The following FBXL4 variants were observed in gnomAD, a reference collection of about 807,000 sequenced individuals.
FBXL4 encodes F-box/LRR-repeat protein 4.
A neutral mutation model predicts 58.9 loss-of-function variants in FBXL4; 40 were observed. The observed-to-expected ratio is 0.68, with a 90% CI of 0.53 to 0.88. The LOEUF is 0.88. Among genes scored for constraint, FBXL4 ranks in the 40% least tolerant of loss-of-function variants. The pLI is 0.00. For synonymous variants in FBXL4, 263 were observed against 265.5 expected (o/e 0.99, Z 0.09); for missense variants, 676 against 734.4 (o/e 0.92, Z 0.92).
intron 5 of FBXL4, among the ~76,000 whole-genome samples, chr6:98,911,131 C>A (rs1371799459): frequency 6.6e-6 from 1 of 152,174 alleles, no homozygotes; most frequent in Non-Finnish European, 1.5e-5. Context: ...GGGGGAGGGG[C>A]GCCTGCCATT....
intron 1 of FBXL4, among the ~76,000 whole-genome samples, chr6:98,935,874 A>G (rs2128410481): frequency 6.6e-6 from 1 of 152,262 alleles, no homozygotes; most frequent in South Asian, 2.1e-4. Flanking sequence ...GCAGATATGC[A>G]ATGATATTTA....
At chr6:98,927,116 A>G in intron 3 of FBXL4, 56 bp from the exon 4 acceptor site, 1 of 872,802 alleles carries the variant, frequency 1.1e-6, no homozygotes, top group Non-Finnish European at 1.8e-6. Flanking sequence ...AGAAAAATGC[A>G]TGGATAAGGT....
chr6:98,905,725 T>C, intron 5 of FBXL4, 55 bp from the exon 6 acceptor site: 2 of 1,554,828 alleles, frequency 1.3e-6, no homozygotes, highest in Non-Finnish European at 1.8e-6. Context: ...TATCATTCTA[T>C]GAAACATATA....
rs148621221 is a variant in FBXL4, at chr6:98,917,496, T to C, written c.736A>G (p.Ile246Val). ...LKTSLIDMNDIEDDAYAEKDG... is the reference protein window; with the variant it reads ...LKTSLIDMNDVEDDAYAEKDG... ...TTTTCTGCATAGGCATCATCTTCTA[T>C]ATCATTCATGTCAATAAGTGAAGTC... is the stretch of plus-strand genomic sequence containing the variant. The change falls in exon 5 of 10, where the codon ATA (isoleucine) becomes GTA (valine). Residue 246 changes from isoleucine (I) to valine (V), a missense_variant. Physicochemically the swap from Ile to Val is conservative, Grantham distance 29. Coordinates refer to ENST00000369244, the MANE Select transcript of FBXL4 (RefSeq NM_001278716.2). The C allele has an allele frequency of 8.7e-6, 14 of 1,613,964 alleles. No individual in the cohort carries two copies. The highest frequency in any genetic ancestry group is 1.3e-5 in the African/African-American group (1 of 74,932).
intron 7 of FBXL4, among the ~76,000 whole-genome samples, chr6:98,885,995 T>C: frequency 6.6e-6 from 1 of 152,100 alleles, no homozygotes; most frequent in Non-Finnish European, 1.5e-5. Context: ...GAAGGGGAAC[T>C]GTAGCAACAT....
chr6:98,895,423 C>A (rs1053657486), intron 7 of FBXL4, among the ~76,000 whole-genome samples: 1 of 152,080 alleles, frequency 6.6e-6, no homozygotes, highest in African/African-American at 2.4e-5. Flanking sequence ...TGTTGTATCT[C>A]CTTACCAACT....
At chr6:98,918,945 T>C (rs1246708336) in intron 4 of FBXL4, among the ~76,000 whole-genome samples, 2 of 152,096 alleles carry the variant, frequency 1.3e-5, no homozygotes, top group Non-Finnish European at 2.9e-5. Flanking sequence ...TCATTAATCA[T>C]ATGAGATTTT....
intron 2 of FBXL4, among the ~76,000 whole-genome samples, chr6:98,928,706 A>G (rs13198405): frequency 0.049 from 7,527 of 152,286 alleles, 255 homozygotes; most frequent in Middle Eastern, 0.12. Flanking sequence ...TATTTGCACT[A>G]AATGTCCCTT....
In FBXL4 at chr6:98,872,511, A is replaced by C. The variant is rs1001457386; in HGVS notation, c.*1767T>G. 3 of 152,202 alleles carry C rather than the reference A, an allele frequency of 2.0e-5. No individual in the cohort carries two copies. The highest frequency in any genetic ancestry group is 7.2e-5 in the African/African-American group (3 of 41,442). 9.4% of individuals were successfully genotyped at this position (152,202 alleles called of 1,614,324 possible). A position where few individuals can be genotyped will look rare whatever the true frequency, so the allele number is the denominator to read the frequency against. On this transcript the variant is annotated 3_prime_UTR_variant, in exon 10 of 10. Coordinates refer to ENST00000369244, the MANE Select transcript of FBXL4 (RefSeq NM_001278716.2). ...ACTTTGATCCTCCCTGTAAATATTT[A>C]ATTCTTTTCATTAGTAAACCCGTAT...
At chr6:98,944,425 C>T (rs186700282) in intron 1 of FBXL4, among the ~76,000 whole-genome samples, 65 of 152,194 alleles carry the variant, frequency 4.3e-4, no homozygotes, top group Non-Finnish European at 6.6e-4. Flanking sequence ...CAAGTAAAAA[C>T]GAATACAAAT....
intron 1 of FBXL4, among the ~76,000 whole-genome samples, chr6:98,943,418 C>T (rs911047043): frequency 6.6e-6 from 1 of 151,442 alleles, no homozygotes; most frequent in African/African-American, 2.4e-5. Flanking sequence ...ACAAAAAACA[C>T]AAAAATTAGC....
intron 4 of FBXL4, among the ~76,000 whole-genome samples, chr6:98,919,780 A>G (rs1306010921): frequency 6.6e-6 from 1 of 152,218 alleles, no homozygotes; most frequent in Non-Finnish European, 1.5e-5. Context: ...AATTTTGGAT[A>G]CCTTATTTCC....
intron 7 of FBXL4, chr6:98,896,782 C>A: frequency 1.1e-6 from 1 of 951,078 alleles, no homozygotes; most frequent in South Asian, 4.9e-5. Context: ...GATTTTACAT[C>A]TGTATTTAAG....
intron 1 of FBXL4, among the ~76,000 whole-genome samples, chr6:98,936,952 C>T (rs575661292): frequency 6.6e-6 from 1 of 152,180 alleles, no homozygotes; most frequent in South Asian, 2.1e-4. Context: ...GAATCAAATC[C>T]CATTATACAG....
Position 98,917,662 on chromosome 6 carries a change from C to G in FBXL4, c.570G>C (p.Gln190His), listed in dbSNP as rs776510763. ...PTKVNASQAR[Q>H]FKPCIKQINF... ...TTATCTGCTTAATACAAGGTTTAAA[C>G]TGGCGAGCTTGGGAAGCATTCACCT... Residue 190 changes from glutamine (Q) to histidine (H), a missense_variant, in exon 5 of 10, where the codon CAG (glutamine) becomes CAC (histidine). Gln to His is a conservative substitution (Grantham distance 24, BLOSUM62 0). Transcript: ENST00000369244. The G allele has an allele frequency of 6.2e-7, 1 of 1,613,596 alleles. No homozygotes were observed. Among genetic ancestry groups the G allele is most frequent in the Non-Finnish European group, 8.5e-7 (1 of 1,179,732 alleles).
chr6:98,946,561 T>C (rs1344467381), intron 1 of FBXL4, among the ~76,000 whole-genome samples: 3 of 152,212 alleles, frequency 2.0e-5, no homozygotes, highest in African/African-American at 7.2e-5. Context: ...TGTACCATTG[T>C]ACAGAGTACT....
In FBXL4 at chr6:98,917,376, C is replaced by G; in HGVS notation, c.856G>C (p.Glu286Gln). The change falls in exon 5 of 10, where the codon GAG (glutamate) becomes CAG (glutamine). Residue 286 changes from glutamate to glutamine, a missense_variant and splice_region_variant. Glu to Gln is a conservative substitution (Grantham distance 29). Coordinates refer to ENST00000369244, the MANE Select transcript of FBXL4 (RefSeq NM_001278716.2). ...GCTGCTAAATATTTTTGGCTTACCT[C>G]ATAAGGTAGTTTATCAAAATACCCA... Reference protein sequence around the residue: ...NNGYFDKLPYELIQLILNHLT... With the variant: ...NNGYFDKLPYQLIQLILNHLT... 6.3e-7 allele frequency: 1 copy of G among 1,595,504 alleles called. No individual in the cohort carries two copies. Among genetic ancestry groups the G allele is most frequent in the Non-Finnish European group, 8.5e-7 (1 of 1,170,404 alleles).
At chr6:98,880,303 G>C (rs1383840008) in intron 8 of FBXL4, among the ~76,000 whole-genome samples, 2 of 152,170 alleles carry the variant, frequency 1.3e-5, no homozygotes, top group African/African-American at 4.8e-5. Context: ...CATCTGGCTT[G>C]AGGCAGAACT....
At chr6:98,875,066 G>A (rs945661304) in intron 9 of FBXL4, among the ~76,000 whole-genome samples, 1 of 152,028 alleles carries the variant, frequency 6.6e-6, no homozygotes, top group African/African-American at 2.4e-5. Flanking sequence ...AAAAAAACTA[G>A]CTTGAATTCA....
Sources: gnomAD v4.1 joint callset for allele counts (sites outside exome capture counted in the v4.1 genomes callset) on GRCh38, gnomAD v4.1.1 for gene constraint, MANE v1.5 for transcripts, NCBI Gene and HGNC (gene_info 2026-07-23, HGNC 2026-07-21) for gene names.